The following SLC44A2 variants were observed in gnomAD, a reference collection of about 807,000 sequenced individuals.
SLC44A2 encodes solute carrier family 44 member 2 (CTL2 blood group).
SLC44A2 carries 57 observed loss-of-function variants against 90.8 expected under a neutral mutation model. The observed-to-expected ratio is 0.63, with a 90% CI of 0.51 to 0.78. SLC44A2 has a LOEUF of 0.78. SLC44A2 is among the 30% of genes least tolerant of loss of function. The pLI is 0.00. For missense variants in SLC44A2, 794 were observed against 919.7 expected, an observed-to-expected ratio of 0.86 and a Z score of 1.77; for synonymous variants, 355 against 360.7, an observed-to-expected ratio of 0.98 and a Z score of 0.18.
chr19:10,616,790 T>C (rs761793406), intron 1 of SLC44A2, among the ~76,000 whole-genome samples: 2 of 152,096 alleles, frequency 1.3e-5, no homozygotes, highest in Non-Finnish European at 2.9e-5. Context: ...TTGCCAAGGC[T>C]GTAGTACAAT....
At chr19:10,624,807 G>A (rs73923266), upstream of SLC44A2, among the ~76,000 whole-genome samples, 275 of 152,286 alleles carry the variant, frequency 1.8e-3, 1 homozygote, top group African/African-American at 5.7e-3. Flanking sequence ...GCGGTGCCCC[G>A]CCCAAGGCCT....
intron 1 of SLC44A2, among the ~76,000 whole-genome samples, chr19:10,619,125 C>T (rs1049457733): frequency 2.0e-5 from 3 of 151,678 alleles, no homozygotes; most frequent in Non-Finnish European, 4.4e-5. Context: ...GCACATCATG[C>T]CCGGCTAGTT....
chr19:10,612,673 G>A (rs2144812390), intron 1 of SLC44A2, among the ~76,000 whole-genome samples: 1 of 152,304 alleles, frequency 6.6e-6, no homozygotes, highest in Admixed American at 6.5e-5. Flanking sequence ...GGGCTGGGTG[G>A]CATTTGATGT....
intron 1 of SLC44A2, among the ~76,000 whole-genome samples, chr19:10,610,933 C>T (rs1918283331): frequency 6.6e-6 from 1 of 151,804 alleles, no homozygotes; most frequent in African/African-American, 2.4e-5. Context: ...AGCCACCGCG[C>T]CCCGCCAAGA....
chr19:10,619,728 C>A lies in SLC44A2; in HGVS notation c.32-6525C>A, dbSNP rs143938269. Among the ~76,000 whole-genome samples the A allele has an allele frequency of 3.6e-4, 55 of 152,204 alleles. 1 individual carries two copies. Among genetic ancestry groups the A allele is most frequent in the Non-Finnish European group, 6.9e-4 (47 of 68,030 alleles). ...CAGCACTTCCAGAGGCCGAGGCAGG[C>A]GGATTGCCTGAGCTCAGGAGTTCGC... On this transcript the variant is annotated intron_variant, in intron 1 of 21. Transcript: ENST00000407327.
intron 1 of SLC44A2, among the ~76,000 whole-genome samples, chr19:10,607,607 T>C (rs1310725972): frequency 6.6e-6 from 1 of 151,510 alleles, no homozygotes; most frequent in African/African-American, 2.4e-5. Context: ...CCTCCTGTAC[T>C]GGCCTCCCAA....
chr19:10,615,039 G>GTTTTTTTTT (rs909040686), intron 1 of SLC44A2, among the ~76,000 whole-genome samples: 1 of 137,698 alleles, frequency 7.3e-6, no homozygotes, highest in Non-Finnish European at 1.6e-5. Flanking sequence ...AAGTAATTGC[G>GTTTTTTTTT]TTTTTTTTTT....
rs35684067 is a variant in SLC44A2 at position 10,608,954 on chromosome 19, C to CTT, written c.31+6413_31+6414dup. Among the ~76,000 whole-genome samples the CTT allele has an allele frequency of 2.9e-3, 327 of 111,174 alleles. 2 individuals carry two copies. The highest frequency in any genetic ancestry group is 0.012 in the Middle Eastern group (2 of 162). The allele number at this position is 111,174 out of a possible 152,430, so 72.9% of individuals were successfully genotyped here. ...TCGTGAGCCACTGCACCCAGCCTAC[C>CTT]TTTTTTTTTTTTTTTTTTTTTGAGA... On this transcript the variant is annotated intron_variant, in intron 1 of 21. Transcript: ENST00000407327.
intron 1 of SLC44A2, among the ~76,000 whole-genome samples, chr19:10,609,547 G>A (rs896301763): frequency 4.6e-5 from 7 of 151,824 alleles, no homozygotes; most frequent in Non-Finnish European, 8.8e-5. Flanking sequence ...TGATCCACCC[G>A]CCTCAGTCTC....
At position 10,635,258 on chromosome 19, in the gene SLC44A2, A is replaced by C; in HGVS notation, c.1148+3A>C. ...GCCTACTGGGCCAGCACTGCTGTGT[A>C]TCTGCCCCCAGACACTGATCTCTGA... On this transcript the variant is annotated splice_donor_region_variant and intron_variant, in intron 13 of 21. Coordinates refer to ENST00000335757, the MANE Select transcript of SLC44A2 (RefSeq NM_020428.4). 1 of 1,613,922 alleles carries C rather than the reference A, an allele frequency of 6.2e-7. No homozygotes were observed. Among genetic ancestry groups the C allele is most frequent in the Non-Finnish European group, 8.5e-7 (1 of 1,179,986 alleles).
intron 1 of SLC44A2, among the ~76,000 whole-genome samples, chr19:10,613,497 T>C (rs1488805212): frequency 6.6e-6 from 1 of 152,076 alleles, no homozygotes; most frequent in Non-Finnish European, 1.5e-5. Flanking sequence ...GTAATCTGCC[T>C]GCCTTGACTT....
rs1156771149 is a variant in SLC44A2, at chr19:10,632,125, G to T, written c.792G>T (p.Met264Ile). The T allele has an allele frequency of 1.2e-6, 2 of 1,613,994 alleles. No homozygotes were observed. The highest frequency in any genetic ancestry group is 3.3e-5 in the Admixed American group (2 of 59,982). Residue 264 changes from methionine to isoleucine, a missense_variant, in exon 10 of 22, where the codon ATG (methionine) becomes ATT (isoleucine). Met to Ile is a conservative substitution (Grantham distance 10). Coordinates refer to ENST00000335757, the MANE Select transcript of SLC44A2 (RefSeq NM_020428.4). ...TGGCTGGTATTATGGTCTGGGTGAT[G>T]ATCATCATGGTGATTCTGGTGCTGG... Reference protein sequence around the residue: ...RFLAGIMVWVMIIMVILVLGY... With the variant: ...RFLAGIMVWVIIIMVILVLGY...
intron 3 of SLC44A2, 29 bp downstream of exon 3, chr19:10,627,824 T>C: frequency 6.2e-7 from 1 of 1,613,634 alleles, no homozygotes; most frequent in African/African-American, 1.3e-5. Flanking sequence ...GGACTTGGAG[T>C]TGCAGGGTAG....
In SLC44A2 at chr19:10,638,275, A is replaced by G; in HGVS notation, c.1889A>G (p.Asp630Gly). 6.2e-7 allele frequency: 1 copy of G among 1,613,972 alleles called. No individual in the cohort carries two copies. The change falls in exon 20 of 22, where the codon GAT (aspartate) becomes GGT (glycine). Residue 630 changes from aspartate (D) to glycine (G), a missense_variant. By Grantham distance (94) the Asp-to-Gly change is moderately conservative (BLOSUM62 -1). Transcript: ENST00000335757. ...FFTHRIRIVQDTAPPLNYYWV... is the reference protein window; with the variant it reads ...FFTHRIRIVQGTAPPLNYYWV... ...ACCCACCGTATCAGGATCGTGCAGG[A>G]TACAGCACCACCCCTCAATTATTAC... is the stretch of plus-strand genomic sequence containing the variant.
intron 1 of SLC44A2, among the ~76,000 whole-genome samples, chr19:10,607,193 G>A (rs891563529): frequency 5.3e-5 from 8 of 152,186 alleles, no homozygotes; most frequent in African/African-American, 7.2e-5. Flanking sequence ...GATTACAGGC[G>A]TGAGCCACCT....
chr19:10,602,647 C>T (rs1917992993), intron 1 of SLC44A2: 14 of 1,177,194 alleles, frequency 1.2e-5, no homozygotes, highest in Non-Finnish European at 1.5e-5. Context: ...AGACCCTAGG[C>T]ACCGGCGCTG....
chr19:10,614,686 T>C (rs986122845), intron 1 of SLC44A2, among the ~76,000 whole-genome samples: 13 of 152,038 alleles, frequency 8.6e-5, no homozygotes, highest in African/African-American at 2.9e-4. Flanking sequence ...GAAAAGAAAA[T>C]GTGGCTGGGC....
intron 1 of SLC44A2, chr19:10,602,616 C>A: frequency 8.1e-7 from 1 of 1,242,200 alleles, no homozygotes; most frequent in Non-Finnish European, 1.0e-6. Context: ...GTGGGAGGAC[C>A]TTGAGCCAGG....
intron 6 of SLC44A2, 32 bp downstream of exon 6, chr19:10,631,417 A>G: frequency 6.2e-7 from 1 of 1,613,984 alleles, no homozygotes; most frequent in Non-Finnish European, 8.5e-7. Context: ...GAGCACAGGT[A>G]TGGGCAGTGG....
Sources: allele counts gnomAD v4.1 joint callset (sites outside exome capture counted in the v4.1 genomes callset), GRCh38; gene constraint gnomAD v4.1.1; transcripts MANE v1.5; gene names NCBI Gene and HGNC (gene_info 2026-07-23, HGNC 2026-07-21).